The following FZR1 variants were observed in gnomAD, a reference collection of about 807,000 sequenced individuals.
FZR1 encodes the protein fizzy-related protein homolog.
A neutral mutation model predicts 63.6 loss-of-function variants in FZR1; 11 were observed. The observed-to-expected ratio is 0.17, with a 90% CI of 0.11 to 0.29. FZR1 has a LOEUF of 0.29. FZR1 is among the 10% of genes least tolerant of loss of function. The pLI is 1.00. For missense variants in FZR1, 440 were observed against 687.5 expected, an observed-to-expected ratio of 0.64 and a Z score of 4.03; for synonymous variants, 328 against 297.9, an observed-to-expected ratio of 1.10 and a Z score of -1.04.
At chr19:3,521,114 G>C (rs536533128) in intron 1 of FZR1, 11 of 152,482 alleles carry the variant, frequency 7.2e-5, no homozygotes, top group African/African-American at 2.6e-4. Context: ...CTGTTGATGC[G>C]TATGTAGGAT....
Position 3,526,056 on chromosome 19 carries a change from C to T in FZR1, c.195+63C>T. 7 of 1,611,646 alleles carry T rather than the reference C, an allele frequency of 4.3e-6. No individual in the cohort carries two copies. Among genetic ancestry groups the T allele is most frequent in the Non-Finnish European group, 5.9e-6 (7 of 1,179,100 alleles). ...GAAGCCCAGGGCCCCTCCCAGCCTC[C>T]TTGCTCTAGGGCCGGGAACAAGCGG... is the stretch of plus-strand genomic sequence containing the variant. On this transcript the variant is annotated intron_variant, in intron 3 of 13. Coordinates refer to ENST00000441788, the MANE Select transcript of FZR1 (RefSeq NM_016263.4). The surrounding 1 kb of genome is among the most constrained non-coding windows in gnomAD (Gnocchi z 5.4).
chr19:3,511,701 G>C (rs2083025618), intron 1 of FZR1, among the ~76,000 whole-genome samples: 4 of 152,200 alleles, frequency 2.6e-5, no homozygotes, highest in Admixed American at 2.0e-4. Flanking sequence ...GTGAGTAAAT[G>C]AATGAATGAC....
At chr19:3,522,545 A>G (rs2083112320) in intron 1 of FZR1, among the ~76,000 whole-genome samples, 1 of 152,154 alleles carries the variant, frequency 6.6e-6, no homozygotes, top group Admixed American at 6.5e-5. Flanking sequence ...ACACTGCCTT[A>G]GAGCTGGTGT....
At position 3,534,411 on chromosome 19, in the gene FZR1, C is replaced by G. The variant is rs1568241687; in HGVS notation, c.1348-10C>G. On this transcript the variant is annotated splice_polypyrimidine_tract_variant and intron_variant, in intron 12 of 13. Coordinates refer to ENST00000441788, the MANE Select transcript of FZR1 (RefSeq NM_016263.4). ...CCCAGAGACATGGGGTGCTTCCCTC[C>G]TGTCCACAGGCAATGTCCCCTGATG... The G allele has an allele frequency of 1.3e-6, 2 of 1,528,900 alleles. No individual in the cohort carries two copies. Among genetic ancestry groups the G allele is most frequent in the Non-Finnish European group, 1.8e-6 (2 of 1,108,902 alleles). 94.7% of individuals were successfully genotyped at this position (1,528,900 alleles called of 1,614,324 possible).
At chr19:3,534,378 C>T (rs1435362820) in intron 12 of FZR1, 43 bp from the exon 13 acceptor site, 3 of 1,136,894 alleles carry the variant, frequency 2.6e-6, no homozygotes, top group Non-Finnish European at 3.9e-6. Flanking sequence ...TCCCGAGGCA[C>T]CTAGAGGCCC....
Position 3,533,337 on chromosome 19 carries a change from A to T in FZR1, c.1286A>T (p.Lys429Met). The T allele has an allele frequency of 6.2e-7, 1 of 1,613,086 alleles. No individual in the cohort carries two copies. Among genetic ancestry groups the T allele is most frequent in the Non-Finnish European group, 8.5e-7 (1 of 1,179,764 alleles). Residue 429 changes from lysine to methionine, a missense_variant, in exon 12 of 14, where the codon AAG becomes ATG. By Grantham distance (95) the Lys-to-Met change is moderately conservative (BLOSUM62 -1). Transcript: ENST00000441788. This position sits in a 1 kb window ranked among gnomAD's most constrained non-coding sequence, Gnocchi z 4.9. ...TCACAGAACCAGATCCTTGTCTGGA[A>T]GTACCCCTCCCTGACCCAGGTGGCC... ...GYSQNQILVW[K>M]YPSLTQVAKL... is the part of the protein sequence containing the mutation.
chr19:3,518,830 T>C (rs1307702398), intron 1 of FZR1, among the ~76,000 whole-genome samples: 1 of 152,130 alleles, frequency 6.6e-6, no homozygotes, highest in African/African-American at 2.4e-5. Flanking sequence ...AACTACTGCA[T>C]TCCAGCCTGG....
chr19:3,530,076 G>A, intron 7 of FZR1, among the ~76,000 whole-genome samples: 1 of 135,026 alleles, frequency 7.4e-6, no homozygotes, highest in East Asian at 2.0e-4. Context: ...GCGGATGGGA[G>A]AGCGGATGGG....
chr19:3,534,205 G>A, intron 12 of FZR1: 1 of 485,070 alleles, frequency 2.1e-6, no homozygotes, highest in Non-Finnish European at 3.6e-6. Flanking sequence ...CTGGGTGACA[G>A]AGCCAGACCC....
In FZR1 at chr19:3,537,632, CG is replaced by C; in HGVS notation, c.*2801del. The C allele has an allele frequency of 6.5e-6, 1 of 152,860 alleles. No homozygotes were observed. 9.5% of individuals were successfully genotyped at this position (152,860 alleles called of 1,614,324 possible). The stretch of plus-strand genomic sequence containing the variant: ...TGAGGGAGCCAGGAGGCCGGGGGGC[CG>C]GGGGCTGCAGGGGAGGCTGTGGGGG... On this transcript the variant is annotated 3_prime_UTR_variant, in exon 14 of 14. Transcript: ENST00000441788.
At chr19:3,528,748 T>C (rs1387571571) in intron 7 of FZR1, among the ~76,000 whole-genome samples, 3 of 84,138 alleles carry the variant, frequency 3.6e-5, no homozygotes, top group African/African-American at 1.1e-4. Context: ...GATGGGAGAG[T>C]GGGTGGGTGT....
Position 3,527,750 on chromosome 19 carries a change from C to T in FZR1, c.590C>T (p.Ser197Phe), listed in dbSNP as rs894122966. ...TACCTCAATCTGGTGGACTGGTCGT[C>T]CCTCAATGTGCTCAGCGTGGGGCTA... ...DFYLNLVDWS[S>F]LNVLSVGLGT... The change falls in exon 7 of 14, where the codon TCC becomes TTC. Residue 197 changes from serine (S) to phenylalanine (F), a missense_variant. Coordinates refer to ENST00000441788, the MANE Select transcript of FZR1 (RefSeq NM_016263.4). 5 of 1,612,888 alleles carry T rather than the reference C, an allele frequency of 3.1e-6. No individual in the cohort carries two copies. Among genetic ancestry groups the T allele is most frequent in the African/African-American group, 1.3e-5 (1 of 75,034 alleles).
chr19:3,527,804 G>A lies in FZR1; in HGVS notation c.644G>A (p.Cys215Tyr). Residue 215 changes from cysteine to tyrosine, a missense_variant, in exon 7 of 14, where the codon TGT becomes TAT. Cys to Tyr is a radical substitution (Grantham distance 194). Coordinates refer to ENST00000441788, the MANE Select transcript of FZR1 (RefSeq NM_016263.4). ...ACCTGCGTGTACCTGTGGAGTGCCT[G>A]TACCAGCCAGGTGGGTGCTGCGTGG... is the stretch of plus-strand genomic sequence containing the variant. ...LGTCVYLWSA[C>Y]TSQVTRLCDL... 1 of 1,610,016 alleles carries A rather than the reference G, an allele frequency of 6.2e-7. No homozygotes were observed. The highest frequency in any genetic ancestry group is 1.1e-5 in the South Asian group (1 of 91,006).
In FZR1 at chr19:3,514,371, G is replaced by A. The variant is rs530266989; in HGVS notation, c.-35+7897G>A. On this transcript the variant is annotated intron_variant, in intron 1 of 13. Coordinates refer to ENST00000441788, the MANE Select transcript of FZR1 (RefSeq NM_016263.4). This position sits in a 1 kb window ranked among gnomAD's most constrained non-coding sequence, Gnocchi z 4.2. ...CAGGGTCTCTGCCCTTGCACCCTGT[G>A]GACATTGGGGCCGGATCGTTCTCTG... Among the ~76,000 whole-genome samples, 2 of 152,306 alleles carry A rather than the reference G, an allele frequency of 1.3e-5. No individual in the cohort carries two copies. The highest frequency in any genetic ancestry group is 4.8e-5 in the African/African-American group (2 of 41,574).
chr19:3,510,166 T>C (rs2083014639), intron 1 of FZR1, among the ~76,000 whole-genome samples: 2 of 152,170 alleles, frequency 1.3e-5, no homozygotes, highest in East Asian at 3.8e-4. Flanking sequence ...AGATGGAGTC[T>C]CACTTTGTTA....
At chr19:3,529,176 G>T (rs1382730558) in intron 7 of FZR1, among the ~76,000 whole-genome samples, 1 of 141,570 alleles carries the variant, frequency 7.1e-6, no homozygotes, top group African/African-American at 2.6e-5. Context: ...TTGGGAGAGC[G>T]GTTGGGAGAG....
At chr19:3,523,428 C>T (rs1170877701) in intron 2 of FZR1, among the ~76,000 whole-genome samples, 3 of 152,182 alleles carry the variant, frequency 2.0e-5, no homozygotes, top group Non-Finnish European at 1.5e-5. Context: ...TTTGTCCTTC[C>T]TTGCGCTCCA....
At position 3,516,891 on chromosome 19, in the gene FZR1, C is replaced by T. The variant is rs1336680328; in HGVS notation, c.-34-6065C>T. Among the ~76,000 whole-genome samples, 1 of 152,252 alleles carries T rather than the reference C, an allele frequency of 6.6e-6. No homozygotes were observed. ...TCAGGTGCAGCCATGTGCTGCTGGGCAGCGATGTGTGCCAGGGGCCGTGTG... is the reference window on the plus strand; with the variant it reads ...TCAGGTGCAGCCATGTGCTGCTGGGTAGCGATGTGTGCCAGGGGCCGTGTG... On this transcript the variant is annotated intron_variant, in intron 1 of 13. Coordinates refer to ENST00000441788, the MANE Select transcript of FZR1 (RefSeq NM_016263.4). The surrounding 1 kb of genome is among the most constrained non-coding windows in gnomAD (Gnocchi z 6.0).
Position 3,529,688 on chromosome 19 carries a change from G to GCGGA in FZR1, c.655-1104_655-1103insCGGA, listed in dbSNP as rs1307611059. 7.3e-5 allele frequency among the ~76,000 whole-genome samples: 11 copies of GCGGA among 150,856 alleles called. 1 individual carries two copies. The highest frequency in any genetic ancestry group is 2.7e-4 in the African/African-American group (11 of 40,862). On this transcript the variant is annotated intron_variant, in intron 7 of 13. Transcript: ENST00000441788. ...TGAGTGGATGAGAGTGGTTGAGGGAGTGGATGGTTGAGCGGATGGGAGAGC... is the reference window on the plus strand; with the variant it reads ...TGAGTGGATGAGAGTGGTTGAGGGAGCGGATGGATGGTTGAGCGGATGGGAGAGC...
Sources: gnomAD v4.1 joint callset for allele counts (sites outside exome capture counted in the v4.1 genomes callset) on GRCh38, gnomAD v4.1.1 for gene constraint, Gnocchi (gnomAD v3.1) non-coding constraint, MANE v1.5 for transcripts, NCBI Gene and HGNC (gene_info 2026-07-23, HGNC 2026-07-21) for gene names.